CDK5RAP2: variants seen among roughly 807,000 people sequenced by gnomAD.
The protein encoded by CDK5RAP2 is CDK5 regulatory subunit associated protein 2.
CDK5RAP2 carries 147 observed loss-of-function variants against 232.9 expected under a neutral mutation model. The observed-to-expected ratio is 0.63, with a 90% CI of 0.55 to 0.72. The LOEUF (loss-of-function observed/expected upper bound fraction) is 0.72. Ranked by LOEUF, CDK5RAP2 falls within the 30% of genes least tolerant of loss-of-function variation. The pLI is 0.00. For synonymous variants in CDK5RAP2, 833 were observed against 833.7 expected, an observed-to-expected ratio of 1.00 and a Z score of 0.01; for missense variants, 2,195 against 2,231.5, an observed-to-expected ratio of 0.98 and a Z score of 0.33.
intron 1 of CDK5RAP2, among the ~76,000 whole-genome samples, chr9:120,573,542 C>T (rs2042927766): frequency 6.7e-6 from 1 of 148,590 alleles, no homozygotes; most frequent in African/African-American, 2.5e-5. Flanking sequence ...GAGTGAGACT[C>T]CATCTCAAAA....
At chr9:120,569,869 G>T (rs1170148008) in intron 2 of CDK5RAP2, among the ~76,000 whole-genome samples, 1 of 152,180 alleles carries the variant, frequency 6.6e-6, no homozygotes, top group Non-Finnish European at 1.5e-5. Context: ...ATCATGGTGG[G>T]TTGGAGTAGG....
intron 3 of CDK5RAP2, among the ~76,000 whole-genome samples, chr9:120,561,848 CA>C (rs1264892646): frequency 6.6e-6 from 1 of 152,198 alleles, no homozygotes; most frequent in Non-Finnish European, 1.5e-5. Context: ...AAGTGATTCA[CA>C]GTCAACTGTT....
At chr9:120,448,821 C>T (rs767694160) in intron 21 of CDK5RAP2, among the ~76,000 whole-genome samples, 43 of 152,168 alleles carry the variant, frequency 2.8e-4, no homozygotes, top group Non-Finnish European at 3.1e-4. Context: ...TTAATTATAA[C>T]TCCCAGGCTG....
rs1051402023 is a variant in CDK5RAP2, at chr9:120,471,609, T to G, written c.1858+139A>C. 2.0e-5 allele frequency: 24 copies of G among 1,206,512 alleles called. No individual in the cohort carries two copies. The African/African-American group carries it at 3.4e-4, about 17-fold the overall frequency. 74.7% of individuals were successfully genotyped at this position (1,206,512 alleles called of 1,614,324 possible). A position where few individuals can be genotyped will look rare whatever the true frequency, so the allele number is the denominator to read the frequency against. On this transcript the variant is annotated intron_variant, in intron 16 of 37. Coordinates refer to ENST00000349780, the MANE Select transcript of CDK5RAP2 (RefSeq NM_018249.6). ...TCTACTAGGAAGGCTAACATCAGCA[T>G]GGTCACCACAAAAAGGATCTCCAAA... is the stretch of plus-strand genomic sequence containing the variant.
At chr9:120,453,384 A>T in intron 21 of CDK5RAP2, 72 bp downstream of exon 21, 1 of 1,373,130 alleles carries the variant, frequency 7.3e-7, no homozygotes, top group South Asian at 1.3e-5. Context: ...AAAAGTGGTG[A>T]GATTAAAGGT....
intron 14 of CDK5RAP2, among the ~76,000 whole-genome samples, chr9:120,479,808 T>C (rs1161680674): frequency 6.6e-6 from 1 of 152,190 alleles, no homozygotes; most frequent in African/African-American, 2.4e-5. Flanking sequence ...CAAAGGGTGT[T>C]ATTGAGACAA....
rs750564630 is a variant in CDK5RAP2, at chr9:120,402,970, C to T, written c.5143G>A (p.Gly1715Ser). The T allele has an allele frequency of 1.2e-6, 2 of 1,614,168 alleles. No individual in the cohort carries two copies. Among genetic ancestry groups the T allele is most frequent in the Non-Finnish European group, 8.5e-7 (1 of 1,180,036 alleles). ...STPCVSRLVT[G>S]HHLWASKNGR... ...TTCTTGCTGGCCCACAGGTGGTGGC[C>T]AGTGACCAGGCGGGACACACACGGA... The change falls in exon 34 of 38, where the codon GGC (glycine) becomes AGC (serine). Residue 1715 changes from glycine to serine, a missense_variant. Transcript: ENST00000349780.
chr9:120,489,460 A>C (rs189536142), intron 13 of CDK5RAP2, among the ~76,000 whole-genome samples: 104 of 151,472 alleles, frequency 6.9e-4, no homozygotes, highest in African/African-American at 2.4e-3. Flanking sequence ...GTCTTTCTGG[A>C]ACTCCTATTA....
intron 27 of CDK5RAP2, among the ~76,000 whole-genome samples, chr9:120,416,923 G>C (rs2034255867): frequency 6.6e-6 from 1 of 152,212 alleles, no homozygotes; most frequent in South Asian, 2.1e-4. Flanking sequence ...CCATGAATTT[G>C]AATGTTTATG....
At chr9:120,539,546 T>A (rs549301292) in intron 5 of CDK5RAP2, among the ~76,000 whole-genome samples, 2 of 152,378 alleles carry the variant, frequency 1.3e-5, no homozygotes, top group African/African-American at 4.8e-5. Context: ...GTATGAAATG[T>A]ACTATAGTTT....
At chr9:120,420,476 G>A (rs1056218619) in intron 26 of CDK5RAP2, among the ~76,000 whole-genome samples, 4 of 152,040 alleles carry the variant, frequency 2.6e-5, no homozygotes, top group Non-Finnish European at 5.9e-5. Flanking sequence ...CCATGAGATG[G>A]CCTATGGATT....
At chr9:120,455,777 C>T (rs567141158) in intron 20 of CDK5RAP2, among the ~76,000 whole-genome samples, 4 of 152,054 alleles carry the variant, frequency 2.6e-5, no homozygotes, top group African/African-American at 9.6e-5. Flanking sequence ...CTGGCTGCTG[C>T]TGCATAGAGA....
chr9:120,409,401 C>T (rs755075669), intron 29 of CDK5RAP2, 85 bp from the exon 30 acceptor site: 7 of 970,486 alleles, frequency 7.2e-6, no homozygotes, highest in Non-Finnish European at 1.1e-5. Flanking sequence ...TTCAAGAATA[C>T]AAAAAAGAAT....
At chr9:120,410,334 G>A (rs1402017065) in intron 29 of CDK5RAP2, among the ~76,000 whole-genome samples, 1 of 152,072 alleles carries the variant, frequency 6.6e-6, no homozygotes, top group Non-Finnish European at 1.5e-5. Flanking sequence ...CTAACCCCTG[G>A]GACTTTGTCT....
Position 120,389,189 on chromosome 9 carries a change from G to A in CDK5RAP2, c.*47C>T, listed in dbSNP as rs371900717. 2.8e-4 allele frequency: 428 copies of A among 1,505,124 alleles called. 2 individuals are homozygous for A. Among genetic ancestry groups the A allele is most frequent in the Non-Finnish European group, 3.6e-4 (391 of 1,085,990 alleles). 93.2% of individuals were successfully genotyped at this position (1,505,124 alleles called of 1,614,324 possible). A position where few individuals can be genotyped will look rare whatever the true frequency, so the allele number is the denominator to read the frequency against. On this transcript the variant is annotated 3_prime_UTR_variant, in exon 38 of 38. Transcript: ENST00000349780. ...ACCACACTTGGAACAAAGAGACAGC[G>A]TGAGCTCGGTGGGGGAAGCACAAGC...
chr9:120,426,055 T>C (rs979072455), intron 25 of CDK5RAP2, among the ~76,000 whole-genome samples: 5 of 152,268 alleles, frequency 3.3e-5, no homozygotes, highest in African/African-American at 1.2e-4. Context: ...AACTGCTTTA[T>C]AAAGATGGGA....
chr9:120,437,412 C>T lies in CDK5RAP2; in HGVS notation c.3838G>A (p.Ala1280Thr). The change falls in exon 25 of 38, where the codon GCA becomes ACA. Residue 1280 changes from alanine to threonine, a missense_variant. By Grantham distance (58) the Ala-to-Thr change is moderately conservative. Transcript: ENST00000349780. ...SRQHMNTMIK[A>T]FEELLQASDV... is the part of the protein sequence containing the mutation. ...CTGGCCTGCAGCAACTCCTCAAATG[C>T]CTTAATCATGGTGTTCATGTGTTGA... is the stretch of plus-strand genomic sequence containing the variant. The T allele has an allele frequency of 2.5e-6, 4 of 1,614,098 alleles. No individual in the cohort carries two copies. The South Asian group carries it at 3.3e-5, about 13-fold the overall frequency.
At chr9:120,456,784 A>T (rs2036802255) in intron 20 of CDK5RAP2, among the ~76,000 whole-genome samples, 1 of 152,226 alleles carries the variant, frequency 6.6e-6, no homozygotes, top group African/African-American at 2.4e-5. Flanking sequence ...CAAACAACAC[A>T]ATAAAACTGA....
At chr9:120,550,102 C>A (rs1048622596) in intron 4 of CDK5RAP2, among the ~76,000 whole-genome samples, 1 of 152,204 alleles carries the variant, frequency 6.6e-6, no homozygotes, top group Non-Finnish European at 1.5e-5. Context: ...GTTTGTACTC[C>A]TGTCTTTTCA....
Sources: gnomAD v4.1 joint callset for allele counts (sites outside exome capture counted in the v4.1 genomes callset) on GRCh38, gnomAD v4.1.1 for gene constraint, MANE v1.5 for transcripts, NCBI Gene and HGNC (gene_info 2026-07-23, HGNC 2026-07-21) for gene names.